DOK5: variants seen among roughly 807,000 people sequenced by gnomAD.
DOK5 encodes docking protein 5.
A neutral mutation model predicts 43.3 loss-of-function variants in DOK5; 27 were observed. That is an observed-to-expected ratio of 0.62 (90% CI 0.46 to 0.86). DOK5 has a LOEUF of 0.86. Among genes scored for constraint, DOK5 ranks in the 40% least tolerant of loss-of-function variants. DOK5 has a pLI of 0.00. For synonymous variants in DOK5, 146 were observed against 140.1 expected (o/e 1.04, Z -0.30); for missense variants, 373 against 392.9 (o/e 0.95, Z 0.43).
At chr20:54,574,218 C>A (rs1307515572) in intron 2 of DOK5, among the ~76,000 whole-genome samples, 1 of 152,086 alleles carries the variant, frequency 6.6e-6, no homozygotes. Context: ...GCCTGAGAAG[C>A]AGAGCATCAC....
Position 54,536,916 on chromosome 20 carries a change from G to A in DOK5, c.67-18017G>A, listed in dbSNP as rs1049381370. Among the ~76,000 whole-genome samples the A allele has an allele frequency of 4.6e-5, 7 of 152,168 alleles. No individual in the cohort carries two copies. The East Asian group carries it at 1.2e-3, about 25-fold the overall frequency. On this transcript the variant is annotated intron_variant, in intron 1 of 7. Coordinates refer to ENST00000262593, the MANE Select transcript of DOK5 (RefSeq NM_018431.5). ...AAGTCCTCCACACCATGGTGTCTGC[G>A]GAGACCACATGGGAAGCCTGGACTT...
At chr20:54,562,458 A>G (rs1165028005) in intron 2 of DOK5, among the ~76,000 whole-genome samples, 2 of 152,166 alleles carry the variant, frequency 1.3e-5, no homozygotes, top group African/African-American at 2.4e-5. Context: ...TTGCTTTGCC[A>G]TCCAGGCTAG....
chr20:54,534,422 C>A (rs1983883702), intron 1 of DOK5, among the ~76,000 whole-genome samples: 1 of 152,186 alleles, frequency 6.6e-6, no homozygotes, highest in South Asian at 2.1e-4. Flanking sequence ...TTCCTGGGCC[C>A]AAGTGATCTG....
At chr20:54,515,673 T>C (rs1983175347) in intron 1 of DOK5, among the ~76,000 whole-genome samples, 1 of 152,222 alleles carries the variant, frequency 6.6e-6, no homozygotes, top group African/African-American at 2.4e-5. Flanking sequence ...TGTTCTCTCT[T>C]GATTAATACA....
At chr20:54,555,506 G>A (rs1984681558) in intron 2 of DOK5, 1 of 154,994 alleles carries the variant, frequency 6.5e-6, no homozygotes, top group Admixed American at 6.3e-5. Flanking sequence ...AATTTTCTTA[G>A]TAGTAGTGAG....
Position 54,515,417 on chromosome 20 carries a change from C to T in DOK5, c.66+39405C>T, listed in dbSNP as rs145754815. On this transcript the variant is annotated intron_variant, in intron 1 of 7. Coordinates refer to ENST00000262593, the MANE Select transcript of DOK5 (RefSeq NM_018431.5). ...CAAGATGAAAATCTAATTGAAACCA[C>T]CATTTATTTTCCTGAGTCAGTCCAG... Among the ~76,000 whole-genome samples the T allele has an allele frequency of 4.3e-3, 660 of 152,278 alleles. 3 individuals are homozygous for T. Among genetic ancestry groups the T allele is most frequent in the Non-Finnish European group, 7.9e-3 (539 of 68,024 alleles).
At chr20:54,540,919 A>G (rs957849419) in intron 1 of DOK5, among the ~76,000 whole-genome samples, 2 of 152,178 alleles carry the variant, frequency 1.3e-5, no homozygotes, top group African/African-American at 4.8e-5. Context: ...AATCTTGTAT[A>G]TATAGTCTCA....
At chr20:54,551,497 T>C (rs2146725834) in intron 1 of DOK5, among the ~76,000 whole-genome samples, 1 of 152,322 alleles carries the variant, frequency 6.6e-6, no homozygotes, top group African/African-American at 2.4e-5. Flanking sequence ...ATGCATTTTC[T>C]TTTTATCGTT....
At chr20:54,479,628 A>G (rs1385695578) in intron 1 of DOK5, among the ~76,000 whole-genome samples, 1 of 152,100 alleles carries the variant, frequency 6.6e-6, no homozygotes, top group Non-Finnish European at 1.5e-5. Flanking sequence ...ACTCGGGTTT[A>G]TTTATCTACG....
At chr20:54,554,412 C>A (rs1293659539) in intron 1 of DOK5, among the ~76,000 whole-genome samples, 1 of 152,142 alleles carries the variant, frequency 6.6e-6, no homozygotes, top group African/African-American at 2.4e-5. Context: ...GGTTGAATAT[C>A]CTAAGCAAGA....
chr20:54,498,757 A>T (rs752810610), intron 1 of DOK5, among the ~76,000 whole-genome samples: 1 of 152,148 alleles, frequency 6.6e-6, no homozygotes, highest in African/African-American at 2.4e-5. Flanking sequence ...ATCATGTTCT[A>T]TTGAGCTTAT....
At chr20:54,490,839 C>A (rs1245152998) in intron 1 of DOK5, among the ~76,000 whole-genome samples, 2 of 151,774 alleles carry the variant, frequency 1.3e-5, no homozygotes, top group South Asian at 2.1e-4. Context: ...CCGCCCACCA[C>A]GGCCTCCCAA....
intron 1 of DOK5, among the ~76,000 whole-genome samples, chr20:54,506,071 T>C (rs1982793096): frequency 6.6e-6 from 1 of 152,178 alleles, no homozygotes; most frequent in Non-Finnish European, 1.5e-5. Flanking sequence ...CAGCTTGAAC[T>C]GGGGTTAGAG....
At chr20:54,570,550 A>T (rs1251702561) in intron 2 of DOK5, among the ~76,000 whole-genome samples, 1 of 152,238 alleles carries the variant, frequency 6.6e-6, no homozygotes, top group African/African-American at 2.4e-5. Flanking sequence ...ATTACCTTTT[A>T]TGTAGCAGTC....
chr20:54,637,928 G>T (rs144874124), intron 6 of DOK5, among the ~76,000 whole-genome samples: 7 of 152,178 alleles, frequency 4.6e-5, no homozygotes, highest in Middle Eastern at 3.4e-3. Flanking sequence ...CAAGACCATC[G>T]TGGCTAACAC....
chr20:54,585,844 G>C (rs971124760), intron 2 of DOK5, among the ~76,000 whole-genome samples: 2 of 152,168 alleles, frequency 1.3e-5, no homozygotes, highest in Non-Finnish European at 2.9e-5. Context: ...AATGCTGGCC[G>C]GGTGCAGTGG....
intron 1 of DOK5, among the ~76,000 whole-genome samples, chr20:54,544,904 A>G (rs73911954): frequency 0.024 from 3,697 of 152,286 alleles, 148 homozygotes; most frequent in African/African-American, 0.084. Context: ...TTGAAGAAGC[A>G]GCAAATCTTG....
chr20:54,480,636 T>C (rs966023839), intron 1 of DOK5, among the ~76,000 whole-genome samples: 4 of 152,206 alleles, frequency 2.6e-5, no homozygotes, highest in African/African-American at 9.6e-5. Context: ...TTGCCCTGAA[T>C]TCTTTGCTGT....
chr20:54,493,059 C>CAA (rs66973631), intron 1 of DOK5, among the ~76,000 whole-genome samples: 166 of 59,428 alleles, frequency 2.8e-3, no homozygotes, highest in Non-Finnish European at 3.5e-3. Context: ...TGTCCCCCTC[C>CAA]AAAAAAAAAA....
Sources: gnomAD v4.1 joint callset for allele counts (sites outside exome capture counted in the v4.1 genomes callset) on GRCh38, gnomAD v4.1.1 for gene constraint, MANE v1.5 for transcripts, NCBI Gene and HGNC (gene_info 2026-07-23, HGNC 2026-07-21) for gene names.